DLG2: variants seen among roughly 807,000 people sequenced by gnomAD.
DLG2 encodes disks large homolog 2.
A neutral mutation model predicts 132.5 loss-of-function variants in DLG2; 45 were observed. The observed-to-expected ratio is 0.34, with a 90% CI of 0.27 to 0.44. The LOEUF (loss-of-function observed/expected upper bound fraction) is 0.44, where lower values mean the gene tolerates loss of function less well. Among genes scored for constraint, DLG2 ranks in the 20% least tolerant of loss-of-function variants. The probability of loss-of-function intolerance (pLI) is 1.00; values close to 1 mark genes in which losing one functional copy is unlikely to be tolerated. For synonymous variants in DLG2, 424 were observed against 419.6 expected, an observed-to-expected ratio of 1.01 and a Z score of -0.13; for missense variants, 1,045 against 1,196.9, an observed-to-expected ratio of 0.87 and a Z score of 1.87.
At chr11:85,284,681 C>A (rs536457433) in intron 4 of DLG2, among the ~76,000 whole-genome samples, 1 of 151,694 alleles carries the variant, frequency 6.6e-6, no homozygotes, top group African/African-American at 2.4e-5. Context: ...ACAAGTTGAT[C>A]GTACAACTCT....
intron 6 of DLG2, among the ~76,000 whole-genome samples, chr11:85,063,411 T>C (rs2064400312): frequency 6.6e-6 from 1 of 151,900 alleles, no homozygotes; most frequent in Non-Finnish European, 1.5e-5. Flanking sequence ...TTTTTTCTAT[T>C]TTCCCAATAT....
intron 6 of DLG2, among the ~76,000 whole-genome samples, chr11:84,711,072 A>G (rs1267233549): frequency 1.3e-5 from 2 of 149,346 alleles, no homozygotes. Context: ...AATGTTTTCT[A>G]CTATTTAAAT....
At chr11:84,627,411 T>C (rs990485069) in intron 6 of DLG2, among the ~76,000 whole-genome samples, 1 of 152,246 alleles carries the variant, frequency 6.6e-6, no homozygotes, top group Non-Finnish European at 1.5e-5. Flanking sequence ...TTACAGAATT[T>C]ACACATATAC....
chr11:84,714,244 C>A (rs2060764996), intron 6 of DLG2, among the ~76,000 whole-genome samples: 1 of 151,776 alleles, frequency 6.6e-6, no homozygotes, highest in Non-Finnish European at 1.5e-5. Context: ...AGGGAAACTA[C>A]CCTGCTAGTG....
At chr11:84,950,889 G>C (rs191502269) in intron 6 of DLG2, among the ~76,000 whole-genome samples, 1 of 152,084 alleles carries the variant, frequency 6.6e-6, no homozygotes, top group Admixed American at 6.6e-5. Context: ...ATTACTAAAA[G>C]AAACAATGGA....
At chr11:84,722,613 G>A (rs1476403325) in intron 6 of DLG2, among the ~76,000 whole-genome samples, 1 of 152,178 alleles carries the variant, frequency 6.6e-6, no homozygotes, top group African/African-American at 2.4e-5. Flanking sequence ...CCATAGGCCA[G>A]TAGAATGTCA....
At chr11:84,533,274 G>C (rs983761806) in intron 7 of DLG2, among the ~76,000 whole-genome samples, 25 of 152,274 alleles carry the variant, frequency 1.6e-4, no homozygotes, top group African/African-American at 6.0e-4. Flanking sequence ...TCGATGTCGT[G>C]TTTTTCAGAT....
At chr11:85,419,400 T>G (rs1175577935) in intron 3 of DLG2, among the ~76,000 whole-genome samples, 2 of 152,224 alleles carry the variant, frequency 1.3e-5, no homozygotes, top group Non-Finnish European at 1.5e-5. Context: ...CGATTATGTG[T>G]CTTGGGATTG....
chr11:84,961,988 G>C (rs982465470), intron 6 of DLG2, among the ~76,000 whole-genome samples: 1 of 152,164 alleles, frequency 6.6e-6, no homozygotes, highest in Non-Finnish European at 1.5e-5. Flanking sequence ...GCCACTGACA[G>C]GGTGCTATAA....
chr11:85,525,437 A>C (rs1405819264), intron 3 of DLG2, among the ~76,000 whole-genome samples: 3 of 152,190 alleles, frequency 2.0e-5, no homozygotes. Flanking sequence ...TAGTGTAGTA[A>C]AGCATGAAAA....
chr11:83,463,165 G>C (rs1210012853), intron 26 of DLG2, among the ~76,000 whole-genome samples: 3 of 151,932 alleles, frequency 2.0e-5, no homozygotes, highest in African/African-American at 7.3e-5. Flanking sequence ...GTAATCTGGG[G>C]TAAGAACTCA....
intron 6 of DLG2, among the ~76,000 whole-genome samples, chr11:84,784,366 A>AAATAAATAAATTAATT (rs1555220726): frequency 6.8e-6 from 1 of 147,406 alleles, no homozygotes; most frequent in Non-Finnish European, 1.5e-5. Context: ...ATAAATAAAT[A>AAATAAATAAATTAATT]AATTAAACAA....
chr11:84,274,928 G>T (rs2097770186), intron 7 of DLG2, among the ~76,000 whole-genome samples: 1 of 152,006 alleles, frequency 6.6e-6, no homozygotes, highest in African/African-American at 2.4e-5. Context: ...ATCTGCCCCA[G>T]CCACATGCTT....
chr11:85,475,692 C>A (rs1383915952), intron 3 of DLG2, among the ~76,000 whole-genome samples: 1 of 152,056 alleles, frequency 6.6e-6, no homozygotes, highest in African/African-American at 2.4e-5. Context: ...TTTACAACAA[C>A]GTCTGATGTA....
At chr11:84,481,589 A>T (rs948916335) in intron 7 of DLG2, among the ~76,000 whole-genome samples, 2 of 152,098 alleles carry the variant, frequency 1.3e-5, no homozygotes, top group Non-Finnish European at 2.9e-5. Context: ...TTTACCCACA[A>T]TGTCTTCAGA....
At chr11:85,426,640 C>A (rs2090767005) in intron 3 of DLG2, among the ~76,000 whole-genome samples, 2 of 152,164 alleles carry the variant, frequency 1.3e-5, no homozygotes, top group South Asian at 4.1e-4. Flanking sequence ...TTACCATCAT[C>A]AAAGACCAAA....
intron 7 of DLG2, among the ~76,000 whole-genome samples, chr11:84,344,738 G>C (rs2098531633): frequency 6.6e-6 from 1 of 152,128 alleles, no homozygotes; most frequent in South Asian, 2.1e-4. Context: ...CCTGTCTGAA[G>C]AATATAGATA....
chr11:85,369,370 G>T (rs2084799985), intron 3 of DLG2, among the ~76,000 whole-genome samples: 1 of 152,034 alleles, frequency 6.6e-6, no homozygotes, highest in African/African-American at 2.4e-5. Flanking sequence ...TCCTGGTGGA[G>T]GAACCACTTT....
At chr11:83,779,217 C>T (rs2094707949) in intron 18 of DLG2, among the ~76,000 whole-genome samples, 1 of 151,918 alleles carries the variant, frequency 6.6e-6, no homozygotes, top group Admixed American at 6.6e-5. Flanking sequence ...GGATAAGCAG[C>T]TGGCTGGCTG....
Sources: gnomAD v4.1 joint callset for allele counts (sites outside exome capture counted in the v4.1 genomes callset) on GRCh38, gnomAD v4.1.1 for gene constraint, MANE v1.5 for transcripts, NCBI Gene and HGNC (gene_info 2026-07-23, HGNC 2026-07-21) for gene names.